The following WDR3 variants were observed in gnomAD, a reference collection of about 807,000 sequenced individuals.
WDR3 encodes the protein WD repeat-containing protein 3.
WDR3 carries 81 observed loss-of-function variants against 123.7 expected under a neutral mutation model. That is an observed-to-expected ratio of 0.65 (90% CI 0.55 to 0.79). The LOEUF is 0.79. WDR3 is among the 30% of genes least tolerant of loss of function. The pLI, the probability that WDR3 is intolerant of heterozygous loss-of-function variation, is 0.00. For missense variants in WDR3, 1,027 were observed against 1,123.2 expected, an observed-to-expected ratio of 0.91 and a Z score of 1.22; for synonymous variants, 390 against 388.8, an observed-to-expected ratio of 1.00 and a Z score of -0.04.
At chr1:117,950,282 G>GCTTCCCTAGCATA in intron 15 of WDR3, 152 bp downstream of exon 15, 8 of 995,318 alleles carry the variant, frequency 8.0e-6, no homozygotes, top group African/African-American at 1.6e-5. Flanking sequence ...AACTATGCTA[G>GCTTCCCTAGCATA]GGAAGCTAGC....
chr1:117,954,181 T>A, intron 22 of WDR3, 82 bp downstream of exon 22: 2 of 1,186,270 alleles, frequency 1.7e-6, no homozygotes, highest in Non-Finnish European at 2.4e-6. Context: ...ATTTATTAAC[T>A]AAGATCAGGA....
chr1:117,943,237 G>GGGCAC (rs1651243164), intron 10 of WDR3, among the ~76,000 whole-genome samples, 159 bp from the exon 11 acceptor site: 2 of 152,190 alleles, frequency 1.3e-5, no homozygotes, highest in African/African-American at 4.8e-5. Flanking sequence ...ACAGGCGTGA[G>GGGCAC]CCACTGCACC....
chr1:117,947,897 A>T (rs539127298), intron 12 of WDR3, among the ~76,000 whole-genome samples: 7 of 152,034 alleles, frequency 4.6e-5, no homozygotes, highest in Non-Finnish European at 1.0e-4. Flanking sequence ...ATTTTTTTTT[A>T]AATTCACTGC....
chr1:117,932,573 T>C (rs542136702), intron 1 of WDR3, among the ~76,000 whole-genome samples: 76 of 152,264 alleles, frequency 5.0e-4, no homozygotes, highest in African/African-American at 1.7e-3. Context: ...GTATTTCCAG[T>C]GTCTAGAATG....
intron 3 of WDR3, 133 bp downstream of exon 3, chr1:117,934,815 A>G: frequency 1.2e-6 from 1 of 865,246 alleles, no homozygotes; most frequent in Non-Finnish European, 1.7e-6. Flanking sequence ...TGATAGAGTG[A>G]AGAGGATGGG....
chr1:117,952,580 T>C lies in WDR3; in HGVS notation c.2069T>C (p.Val690Ala). 1 of 1,613,678 alleles carries C rather than the reference T, an allele frequency of 6.2e-7. No individual in the cohort carries two copies. The highest frequency in any genetic ancestry group is 8.5e-7 in the Non-Finnish European group (1 of 1,179,660). ...CLAVSPSGDY[V>A]VSSSHDKSLR... Reference sequence around the variant, plus strand: ...GCTGTAAGCCCCAGTGGAGACTATGTTGTATCATCGTCCCATGACAAATCT... The same window carrying C: ...GCTGTAAGCCCCAGTGGAGACTATGCTGTATCATCGTCCCATGACAAATCT... The change falls in exon 19 of 27, where the codon GTT becomes GCT. Residue 690 changes from valine to alanine, a missense_variant. Transcript: ENST00000349139.
chr1:117,938,343 G>A, intron 4 of WDR3, 137 bp from the exon 5 acceptor site: 1 of 621,930 alleles, frequency 1.6e-6, no homozygotes, highest in South Asian at 2.1e-5. Flanking sequence ...TCAAAAGTAA[G>A]ATCAGAGAGA....
At chr1:117,949,348 G>A (rs1651518471) in intron 13 of WDR3, among the ~76,000 whole-genome samples, 1 of 152,108 alleles carries the variant, frequency 6.6e-6, no homozygotes, top group Admixed American at 6.5e-5. Context: ...CTTGATAACG[G>A]AAAACAGCTT....
At chr1:117,933,188 A>G (rs1650795774) in intron 1 of WDR3, 100 bp from the exon 2 acceptor site, 1 of 1,002,758 alleles carries the variant, frequency 1.0e-6, no homozygotes, top group Non-Finnish European at 1.4e-6. Context: ...TGGGCAACAG[A>G]GTGAGACTCT....
At chr1:117,950,801 G>C in intron 15 of WDR3, 33 bp from the exon 16 acceptor site, 1 of 1,561,854 alleles carries the variant, frequency 6.4e-7, no homozygotes, top group Non-Finnish European at 8.8e-7. Flanking sequence ...ATATTTTATA[G>C]ACAGACATTA....
intron 19 of WDR3, 107 bp downstream of exon 19, chr1:117,952,769 A>G (rs1324005267): frequency 6.7e-7 from 1 of 1,483,634 alleles, no homozygotes; most frequent in African/African-American, 1.4e-5. Flanking sequence ...TGCCAAGTCC[A>G]AGAACCTTCA....
Position 117,966,003 on chromosome 1 carries a change from CAAAT to C in WDR3, c.*6562_*6565del, listed in dbSNP as rs1285476402. On this transcript the variant is annotated 3_prime_UTR_variant, in exon 27 of 27. Transcript: ENST00000349139. The stretch of plus-strand genomic sequence containing the variant: ...ATTCTATAAGATCCAGCTCAAAAAT[CAAAT>C]AAATAGAGAACTGTAACACAAGCAG... 5.3e-5 allele frequency: 8 copies of C among 152,234 alleles called. No individual in the cohort carries two copies. The highest frequency in any genetic ancestry group is 9.6e-5 in the African/African-American group (4 of 41,532). 9.4% of individuals were successfully genotyped at this position (152,234 alleles called of 1,614,324 possible).
chr1:117,954,649 T>A (rs377730219), intron 23 of WDR3, 22 bp downstream of exon 23: 14 of 1,606,040 alleles, frequency 8.7e-6, no homozygotes, highest in African/African-American at 1.3e-5. Context: ...GTCTAACGGT[T>A]TTCCTTTGTT....
At position 117,943,508 on chromosome 1, in the gene WDR3, G is replaced by C; in HGVS notation, c.1210G>C (p.Val404Leu). The C allele has an allele frequency of 1.2e-6, 2 of 1,614,090 alleles. No homozygotes were observed. Among genetic ancestry groups the C allele is most frequent in the Non-Finnish European group, 1.7e-6 (2 of 1,180,034 alleles). ...TCCATCCTTGCCTACTCCTCAGCCT[G>C]TCAGGACAAGCAGAATCACTATTGG... Reference protein sequence around the residue: ...LNPSLPTPQPVRTSRITIGGH... With the variant: ...LNPSLPTPQPLRTSRITIGGH... Residue 404 changes from valine (V) to leucine (L), a missense_variant, in exon 11 of 27, where the codon GTC becomes CTC. Coordinates refer to ENST00000349139, the MANE Select transcript of WDR3 (RefSeq NM_006784.3).
In WDR3 at chr1:117,934,496, A is replaced by G. The variant is rs775345961; in HGVS notation, c.195A>G (p.Lys65=). The G allele has an allele frequency of 5.0e-6, 8 of 1,613,948 alleles. No homozygotes were observed. The Admixed American group carries it at 1.2e-4, about 24-fold the overall frequency. The change falls in exon 3 of 27, where the codon AAA becomes AAG. Residue 65 remains lysine (K), a synonymous_variant. Coordinates refer to ENST00000349139, the MANE Select transcript of WDR3 (RefSeq NM_006784.3). ...AGATTCTTATCCTTCAGGGGCTTAAACAAGAAGTTACTTGCTTATGCCCCT... is the reference window on the plus strand; with the variant it reads ...AGATTCTTATCCTTCAGGGGCTTAAGCAAGAAGTTACTTGCTTATGCCCCT... The part of the protein sequence containing the change: ...GEKILILQGL[K]QEVTCLCPSP...
At position 117,938,490 on chromosome 1, in the gene WDR3, A is replaced by T; in HGVS notation, c.511A>T (p.Thr171Ser). The T allele has an allele frequency of 6.2e-7, 1 of 1,612,908 alleles. No homozygotes were observed. Residue 171 changes from threonine (T) to serine (S), a missense_variant, in exon 5 of 27, where the codon ACC becomes TCC. Transcript: ENST00000349139. ...TGTTTCTTCTTTTAGTGGGAAAGAT[A>T]CCATGGTGAAATGGTGGGACCTTGA... ...KNLLVTSGKDTMVKWWDLDTQ... is the reference protein window; with the variant it reads ...KNLLVTSGKDSMVKWWDLDTQ...
At chr1:117,949,910 T>C (rs1651543839) in intron 14 of WDR3, 74 bp downstream of exon 14, 7 of 1,610,270 alleles carry the variant, frequency 4.3e-6, no homozygotes, top group South Asian at 2.2e-5. Context: ...TGACGTCTTA[T>C]ATCATTTGTT....
At chr1:117,947,768 C>A (rs1230528090) in intron 12 of WDR3, among the ~76,000 whole-genome samples, 1 of 152,210 alleles carries the variant, frequency 6.6e-6, no homozygotes, top group Non-Finnish European at 1.5e-5. Context: ...CCACCTTGTG[C>A]AGAAGCTCAT....
In WDR3 at chr1:117,934,652, G is replaced by A. The variant is rs1163441978; in HGVS notation, c.351G>A (p.Gln117=). Residue 117 remains glutamine (Q), a synonymous_variant, in exon 3 of 27, where the codon CAG becomes CAA. Coordinates refer to ENST00000349139, the MANE Select transcript of WDR3 (RefSeq NM_006784.3). The part of the protein sequence containing the change: ...KAAITTLKYD[Q]LGGRLASGSK... ...CTATCACTACCTTGAAGTATGATCA[G>A]CTAGGAGGCAGACTGGCATCTGGGT... 6.2e-7 allele frequency: 1 copy of A among 1,613,628 alleles called. No individual in the cohort carries two copies. The highest frequency in any genetic ancestry group is 2.2e-5 in the East Asian group (1 of 44,898).
Sources: allele counts gnomAD v4.1 joint callset (sites outside exome capture counted in the v4.1 genomes callset), GRCh38; gene constraint gnomAD v4.1.1; transcripts MANE v1.5; gene names NCBI Gene and HGNC (gene_info 2026-07-23, HGNC 2026-07-21).